The following DLGAP2 variants were observed in gnomAD, a reference collection of about 807,000 sequenced individuals.
The protein encoded by DLGAP2 is disks large-associated protein 2.
DLGAP2 carries 26 observed loss-of-function variants against 100.3 expected under a neutral mutation model. The observed-to-expected ratio is 0.26, with a 90% CI of 0.19 to 0.36. The LOEUF (loss-of-function observed/expected upper bound fraction) is 0.36. Among genes scored for constraint, DLGAP2 ranks in the 10% least tolerant of loss-of-function variants. The pLI, the probability that DLGAP2 is intolerant of heterozygous loss-of-function variation, is 1.00. For missense variants in DLGAP2, 1,858 were observed against 1,453.2 expected, an observed-to-expected ratio of 1.28 and a Z score of -4.53; for synonymous variants, 886 against 630.1, an observed-to-expected ratio of 1.41 and a Z score of -6.08.
At chr8:1,305,451 A>G (rs1032749710) in intron 3 of DLGAP2, among the ~76,000 whole-genome samples, 3 of 152,174 alleles carry the variant, frequency 2.0e-5, no homozygotes, top group Admixed American at 6.5e-5. Flanking sequence ...AACTGCTTAT[A>G]GTCATCCCTG....
At chr8:1,506,339 G>C (rs918040596) in intron 4 of DLGAP2, among the ~76,000 whole-genome samples, 4 of 152,180 alleles carry the variant, frequency 2.6e-5, no homozygotes, top group Non-Finnish European at 5.9e-5. Context: ...TTACATTGTA[G>C]GTTCTTGGTC....
chr8:1,440,623 C>G (rs964995526), intron 3 of DLGAP2, among the ~76,000 whole-genome samples: 2 of 152,220 alleles, frequency 1.3e-5, no homozygotes, highest in African/African-American at 4.8e-5. Flanking sequence ...CTCATGGGCT[C>G]TCCTGAATAA....
At chr8:1,303,350 T>C (rs1254333151) in intron 3 of DLGAP2, among the ~76,000 whole-genome samples, 30 of 144,610 alleles carry the variant, frequency 2.1e-4, no homozygotes, top group African/African-American at 7.7e-4. Flanking sequence ...AGAGCCGAGA[T>C]CGCGCCACCG....
intron 2 of DLGAP2, among the ~76,000 whole-genome samples, chr8:1,119,919 T>G (rs750964101): frequency 6.6e-6 from 1 of 152,194 alleles, no homozygotes; most frequent in South Asian, 2.1e-4. Context: ...AAAGGTTTCC[T>G]TGTAGTTGGG....
chr8:1,253,317 C>T (rs1041900445), intron 2 of DLGAP2, among the ~76,000 whole-genome samples: 1 of 152,120 alleles, frequency 6.6e-6, no homozygotes, highest in African/African-American at 2.4e-5. Flanking sequence ...CTGCCAGGGC[C>T]CCTTTATCTC....
At chr8:1,373,791 A>G (rs146439688) in intron 3 of DLGAP2, 48 of 152,362 alleles carry the variant, frequency 3.2e-4, no homozygotes, top group African/African-American at 1.2e-3. Context: ...CCTGCAAGGA[A>G]GGTCAGGTTC....
chr8:1,470,775 A>ACCCCC (rs1563168449), intron 3 of DLGAP2, among the ~76,000 whole-genome samples: 3 of 75,978 alleles, frequency 3.9e-5, no homozygotes, highest in Admixed American at 1.3e-4. Context: ...GCCTTTCCCG[A>ACCCCC]CTCCCCCAGC....
At chr8:1,285,136 G>C (rs1464375240) in intron 3 of DLGAP2, among the ~76,000 whole-genome samples, 1 of 152,190 alleles carries the variant, frequency 6.6e-6, no homozygotes, top group East Asian at 1.9e-4. Context: ...TGGCTGGAAT[G>C]AGGAAACTTG....
At chr8:778,139 G>A (rs1357325678) in intron 1 of DLGAP2, among the ~76,000 whole-genome samples, 3 of 151,720 alleles carry the variant, frequency 2.0e-5, no homozygotes, top group Non-Finnish European at 2.9e-5. Context: ...TGATCGCATC[G>A]GCTCCTGAGG....
intron 1 of DLGAP2, among the ~76,000 whole-genome samples, chr8:768,184 C>T (rs1250137263): frequency 6.6e-6 from 1 of 152,106 alleles, no homozygotes; most frequent in East Asian, 1.9e-4. Flanking sequence ...TTCACTGCAG[C>T]GTCTGAGGGA....
intron 7 of DLGAP2, among the ~76,000 whole-genome samples, chr8:1,631,643 A>C (rs1797648415): frequency 6.6e-6 from 1 of 152,162 alleles, no homozygotes; most frequent in Admixed American, 6.5e-5. Context: ...GCATTGTGCC[A>C]ACTCTTTCTG....
chr8:969,139 G>T (rs1799952608), intron 2 of DLGAP2, among the ~76,000 whole-genome samples: 1 of 152,160 alleles, frequency 6.6e-6, no homozygotes, highest in Admixed American at 6.5e-5. Flanking sequence ...CCTCTCCCCA[G>T]GGGGGATGGG....
At position 743,409 on chromosome 8, in the gene DLGAP2, C is replaced by T. The variant is rs376849462; in HGVS notation, c.18+5584C>T. 2.0e-5 allele frequency among the ~76,000 whole-genome samples: 3 copies of T among 152,058 alleles called. No individual in the cohort carries two copies. In the East Asian group the frequency reaches 5.8e-4, roughly 29 times the overall value. On this transcript the variant is annotated intron_variant, in intron 1 of 14. Coordinates refer to ENST00000637795, the MANE Select transcript of DLGAP2 (RefSeq NM_001346810.2). Reference sequence around the variant, plus strand: ...TGTAAGAGATGTTCTGAGGGTAGATCTTATATTCAGGGGCTGGGGTTGTGT... The same window carrying T: ...TGTAAGAGATGTTCTGAGGGTAGATTTTATATTCAGGGGCTGGGGTTGTGT...
At chr8:1,439,354 A>G (rs937859032) in intron 3 of DLGAP2, among the ~76,000 whole-genome samples, 4 of 152,106 alleles carry the variant, frequency 2.6e-5, no homozygotes, top group African/African-American at 7.2e-5. Flanking sequence ...AGAGGTGGAT[A>G]ATGACAGCAC....
chr8:1,573,474 G>C (rs1347988225), intron 6 of DLGAP2, among the ~76,000 whole-genome samples: 1 of 152,042 alleles, frequency 6.6e-6, no homozygotes, highest in Non-Finnish European at 1.5e-5. Context: ...TGAGAAGACA[G>C]AAAGGGTGAA....
At chr8:1,490,753 G>C (rs1309316704) in intron 3 of DLGAP2, among the ~76,000 whole-genome samples, 1 of 152,128 alleles carries the variant, frequency 6.6e-6, no homozygotes, top group Non-Finnish European at 1.5e-5. Flanking sequence ...GAATCTCTGG[G>C]CTGGGGCATG....
At chr8:1,087,469 G>T (rs1047587788) in intron 2 of DLGAP2, among the ~76,000 whole-genome samples, 1 of 152,062 alleles carries the variant, frequency 6.6e-6, no homozygotes, top group Admixed American at 6.5e-5. Flanking sequence ...GACTCTTGCA[G>T]TATTTGGCAG....
In DLGAP2 at chr8:1,551,111, T is replaced by C. The variant is rs147375805; in HGVS notation, c.1230+1428T>C. Among the ~76,000 whole-genome samples the C allele has an allele frequency of 4.8e-3, 725 of 152,390 alleles. 9 individuals are homozygous for C. Among genetic ancestry groups the C allele is most frequent in the African/African-American group, 0.016 (676 of 41,596 alleles). On this transcript the variant is annotated intron_variant, in intron 5 of 14. Transcript: ENST00000637795. ...ACAGCTCTGTTTTGAAAGGAAATGC[T>C]AACCAAATTGCCTTTGCAGGCAGAT...
chr8:1,335,967 T>A (rs1479443201), intron 3 of DLGAP2, among the ~76,000 whole-genome samples: 3 of 152,188 alleles, frequency 2.0e-5, no homozygotes, highest in African/African-American at 7.2e-5. Context: ...CCCATAGAAC[T>A]GGGGCTTTGT....
Sources: allele counts gnomAD v4.1 joint callset (sites outside exome capture counted in the v4.1 genomes callset), GRCh38; gene constraint gnomAD v4.1.1; transcripts MANE v1.5; gene names NCBI Gene and HGNC (gene_info 2026-07-23, HGNC 2026-07-21).